PREX1: variants seen among roughly 807,000 people sequenced by gnomAD.
PREX1 encodes phosphatidylinositol 3,4,5-trisphosphate-dependent Rac exchanger 1 protein.
A neutral mutation model predicts 198.3 loss-of-function variants in PREX1; 41 were observed. The observed-to-expected ratio is 0.21, with a 90% CI of 0.16 to 0.27. The LOEUF is 0.27. PREX1 is among the 10% of genes least tolerant of loss of function. PREX1 has a pLI of 1.00. For synonymous variants in PREX1, 843 were observed against 887.2 expected (o/e 0.95, Z 0.89); for missense variants, 1,620 against 2,200.7 (o/e 0.74, Z 5.28).
intron 35 of PREX1, 68 bp from the exon 36 acceptor site, chr20:48,630,862 C>A: frequency 4.9e-6 from 6 of 1,231,226 alleles, no homozygotes; most frequent in Non-Finnish European, 7.2e-6. Context: ...CTACCCAGGT[C>A]TCAACTCCTG....
chr20:48,742,222 C>G (rs2090085767), intron 3 of PREX1, among the ~76,000 whole-genome samples: 1 of 152,132 alleles, frequency 6.6e-6, no homozygotes, highest in Non-Finnish European at 1.5e-5. Flanking sequence ...TCTGGGCACC[C>G]TGCACAAAGT....
At chr20:48,648,337 G>A (rs1312801921) in intron 25 of PREX1, among the ~76,000 whole-genome samples, 3 of 152,184 alleles carry the variant, frequency 2.0e-5, no homozygotes, top group Non-Finnish European at 2.9e-5. Context: ...TGCCCCCTAG[G>A]AAATCTTTAG....
chr20:48,636,356 C>T (rs548373286), intron 32 of PREX1, 107 bp downstream of exon 32: 6 of 1,170,796 alleles, frequency 5.1e-6, no homozygotes, highest in East Asian at 2.6e-5. Context: ...GCGGGAATGA[C>T]GAGGCCAGGG....
chr20:48,765,575 A>C (rs749157061), intron 1 of PREX1, among the ~76,000 whole-genome samples: 2 of 152,094 alleles, frequency 1.3e-5, no homozygotes, highest in Non-Finnish European at 1.5e-5. Context: ...CGACTCCTAC[A>C]CCCCCATTTC....
At chr20:48,632,221 C>T in intron 35 of PREX1, 56 bp downstream of exon 35, 2 of 1,541,164 alleles carry the variant, frequency 1.3e-6, no homozygotes, top group African/African-American at 1.4e-5. Context: ...TGCTAATGCC[C>T]ACTCCACGTG....
At chr20:48,813,379 T>C (rs1002588819) in intron 1 of PREX1, among the ~76,000 whole-genome samples, 1 of 152,016 alleles carries the variant, frequency 6.6e-6, no homozygotes, top group African/African-American at 2.4e-5. Context: ...CCAAATACAA[T>C]GCGTGATCCA....
At chr20:48,682,190 G>A (rs112098153) in intron 10 of PREX1, among the ~76,000 whole-genome samples, 244 of 152,252 alleles carry the variant, frequency 1.6e-3, no homozygotes, top group African/African-American at 5.2e-3. Flanking sequence ...CCTCGGGGCT[G>A]CTGCACTTGC....
At position 48,688,709 on chromosome 20, in the gene PREX1, T is replaced by A; in HGVS notation, c.1282A>T (p.Ile428Phe). Residue 428 changes from isoleucine to phenylalanine, a missense_variant, in exon 10 of 40, where the codon ATC becomes TTC. Physicochemically the swap from Ile to Phe is conservative, Grantham distance 21. Around this residue, in one of 7 missense-constraint regions of PREX1, gnomAD observed 488 missense variants for 802.5 expected, o/e 0.61. Coordinates refer to ENST00000371941, the MANE Select transcript of PREX1 (RefSeq NM_020820.4). The part of the protein sequence containing the change: ...HMMMNKKVNL[I>F]KDRRRKLSTV... The stretch of plus-strand genomic sequence containing the variant: ...CTCAGCTTTCTCCGGCGGTCCTTGA[T>A]GAGGTTCACCTTCTTGTTCATCATC... 1.2e-6 allele frequency: 2 copies of A among 1,614,186 alleles called. No individual in the cohort carries two copies. Among genetic ancestry groups the A allele is most frequent in the South Asian group, 2.2e-5 (2 of 91,078 alleles).
At chr20:48,695,186 G>A (rs984215844) in intron 7 of PREX1, among the ~76,000 whole-genome samples, 11 of 152,088 alleles carry the variant, frequency 7.2e-5, no homozygotes, top group Admixed American at 3.3e-4. Flanking sequence ...CCCTGACAAG[G>A]GTAACCACTG....
intron 1 of PREX1, among the ~76,000 whole-genome samples, chr20:48,818,502 G>A (rs752421): frequency 0.31 from 47,281 of 152,066 alleles, 7,557 homozygotes; most frequent in Non-Finnish European, 0.33. Context: ...CTCTGACTGC[G>A]TAAGGAGAAC....
intron 1 of PREX1, among the ~76,000 whole-genome samples, chr20:48,773,125 G>A (rs115647078): frequency 0.041 from 6,245 of 152,060 alleles, 439 homozygotes; most frequent in African/African-American, 0.14. Context: ...AAATTATCTG[G>A]GTGAGGTGGC....
intron 1 of PREX1, among the ~76,000 whole-genome samples, chr20:48,762,442 C>G (rs1220560804): frequency 6.6e-6 from 1 of 152,212 alleles, no homozygotes; most frequent in African/African-American, 2.4e-5. Context: ...CAACCCTCCT[C>G]TCCTCAGTTG....
At chr20:48,629,668 C>G (rs761338019) in intron 36 of PREX1, 47 bp from the exon 37 acceptor site, 12 of 1,575,076 alleles carry the variant, frequency 7.6e-6, no homozygotes, top group Non-Finnish European at 1.0e-5. Context: ...GAGGTCCTCA[C>G]AGCCCCTCAG....
chr20:48,702,232 A>G (rs1601086092), intron 6 of PREX1, among the ~76,000 whole-genome samples: 1 of 149,656 alleles, frequency 6.7e-6, no homozygotes, highest in Non-Finnish European at 1.5e-5. Context: ...AAAGATAAAG[A>G]GGCTGAGGGC....
chr20:48,667,706 C>T (rs910854238), intron 14 of PREX1, among the ~76,000 whole-genome samples: 1 of 152,232 alleles, frequency 6.6e-6, no homozygotes, highest in African/African-American at 2.4e-5. Context: ...TGACATCCAA[C>T]CCGAAACGTG....
the PREX1 span, among the ~76,000 whole-genome samples, chr20:48,884,058 G>T: frequency 6.6e-6 from 1 of 151,074 alleles, no homozygotes; most frequent in African/African-American, 2.4e-5. Flanking sequence ...GAGAACGGCC[G>T]TGAACTCAGG....
At position 48,653,348 on chromosome 20, in the gene PREX1, C is replaced by G. The variant is rs1268760360; in HGVS notation, c.2346+13G>C. On this transcript the variant is annotated intron_variant, in intron 20 of 39. Coordinates refer to ENST00000371941, the MANE Select transcript of PREX1 (RefSeq NM_020820.4). Reference sequence around the variant, plus strand: ...AGGACTTCTTTGACGGCCCCGGTTTCCAGTAAACTTACCAGGGCCTCTTCG... The same window carrying G: ...AGGACTTCTTTGACGGCCCCGGTTTGCAGTAAACTTACCAGGGCCTCTTCG... The G allele has an allele frequency of 6.2e-7, 1 of 1,609,578 alleles. No homozygotes were observed. Among genetic ancestry groups the G allele is most frequent in the Non-Finnish European group, 8.5e-7 (1 of 1,176,288 alleles).
the PREX1 span, among the ~76,000 whole-genome samples, chr20:48,836,930 C>G: frequency 2.0e-4 from 27 of 137,892 alleles, no homozygotes; most frequent in Non-Finnish European, 3.8e-4. Context: ...AAAAAAAGAA[C>G]CTCGCTCTGC....
chr20:48,652,663 T>A lies in PREX1; in HGVS notation c.2390A>T (p.Glu797Val). Residue 797 changes from glutamate to valine, a missense_variant, in exon 21 of 40, where the codon GAA becomes GTA. Glu to Val is a moderately radical substitution (Grantham distance 121). Transcript: ENST00000371941. Reference sequence around the variant, plus strand: ...GGAGGCCTCCTGACTGGCTCGTGCTTCCTGGGCATCCTCATGGGTGTGGTA... The same window carrying A: ...GGAGGCCTCCTGACTGGCTCGTGCTACCTGGGCATCCTCATGGGTGTGGTA... ...WIYHTHEDAQ[E>V]ARASQEASTE... 6.2e-7 allele frequency: 1 copy of A among 1,613,586 alleles called. No homozygotes were observed. Among genetic ancestry groups the A allele is most frequent in the Non-Finnish European group, 8.5e-7 (1 of 1,179,712 alleles).
Sources: gnomAD v4.1 joint callset for allele counts (sites outside exome capture counted in the v4.1 genomes callset) on GRCh38, gnomAD v4.1.1 for gene constraint, gnomAD v4.1.1 regional missense constraint, MANE v1.5 for transcripts, NCBI Gene and HGNC (gene_info 2026-07-23, HGNC 2026-07-21) for gene names.